Variants in HDAC9 observed in about 807,000 individuals in gnomAD.
HDAC9 encodes the protein MEF-2 interacting transcription repressor (MITR) protein.
HDAC9 carries 41 observed loss-of-function variants against 139.4 expected under a neutral mutation model. The ratio of observed to expected loss-of-function variants is 0.29; its 90% confidence interval spans 0.23 to 0.38. The LOEUF (loss-of-function observed/expected upper bound fraction) is 0.38. Among genes scored for constraint, HDAC9 ranks in the 10% least tolerant of loss-of-function variants. The pLI is 1.00. For missense variants in HDAC9, 1,147 were observed against 1,297.0 expected, an observed-to-expected ratio of 0.88 and a Z score of 1.78; for synonymous variants, 517 against 476.2, an observed-to-expected ratio of 1.09 and a Z score of -1.12.
At chr7:18,509,091 A>G (rs1800658993) in intron 2 of HDAC9, among the ~76,000 whole-genome samples, 1 of 152,212 alleles carries the variant, frequency 6.6e-6, no homozygotes, top group South Asian at 2.1e-4. Flanking sequence ...TTCCTCACAC[A>G]TTATGCTTTG....
chr7:18,538,310 C>A (rs1263686392), intron 2 of HDAC9, among the ~76,000 whole-genome samples: 1 of 152,064 alleles, frequency 6.6e-6, no homozygotes, highest in African/African-American at 2.4e-5. Flanking sequence ...TCAGCCACAG[C>A]CTTGTGAAAT....
intron 23 of HDAC9, among the ~76,000 whole-genome samples, chr7:18,945,702 T>G (rs1305742213): frequency 2.0e-5 from 3 of 152,120 alleles, no homozygotes; most frequent in African/African-American, 7.2e-5. Flanking sequence ...GTTTGTTTGT[T>G]TCAATGTGAA....
intron 1 of HDAC9, among the ~76,000 whole-genome samples, chr7:18,302,387 A>G (rs1168865708): frequency 1.3e-5 from 2 of 152,200 alleles, no homozygotes; most frequent in African/African-American, 4.8e-5. Flanking sequence ...TGGTGAAGAC[A>G]TTGTTATTGT....
chr7:18,181,698 A>G (rs185784995), intron 2 of HDAC9, among the ~76,000 whole-genome samples: 188 of 152,034 alleles, frequency 1.2e-3, no homozygotes, highest in African/African-American at 4.3e-3. Context: ...TTTACAAACT[A>G]CTCATACCTG....
At chr7:18,325,632 A>ATT (rs925964727) in intron 1 of HDAC9, 1 of 152,042 alleles carries the variant, frequency 6.6e-6, no homozygotes, top group African/African-American at 2.4e-5. Context: ...GTTTGGGGAT[A>ATT]TTTAACTTCA....
intron 1 of HDAC9, among the ~76,000 whole-genome samples, chr7:18,409,411 G>T (rs914311670): frequency 9.3e-5 from 14 of 151,002 alleles, no homozygotes; most frequent in Non-Finnish European, 1.8e-4. Flanking sequence ...ATTAACGATG[G>T]GCCTTTTTTT....
At chr7:18,205,522 A>T (rs1342370812) in intron 2 of HDAC9, among the ~76,000 whole-genome samples, 1 of 152,078 alleles carries the variant, frequency 6.6e-6, no homozygotes. Flanking sequence ...GAATGGAGAG[A>T]TGAACAAAGC....
chr7:18,612,761 T>A (rs911312763), intron 6 of HDAC9, among the ~76,000 whole-genome samples: 5 of 152,018 alleles, frequency 3.3e-5, no homozygotes, highest in African/African-American at 1.2e-4. Flanking sequence ...CAGGAAAATA[T>A]TTAGTCAGAA....
chr7:18,634,614 C>T lies in HDAC9; in HGVS notation c.797-13C>T. 6.6e-7 allele frequency: 1 copy of T among 1,514,362 alleles called. No individual in the cohort carries two copies. Among genetic ancestry groups the T allele is most frequent in the East Asian group, 2.4e-5 (1 of 41,888 alleles). 93.8% of individuals were successfully genotyped at this position (1,514,362 alleles called of 1,614,324 possible). On this transcript the variant is annotated splice_polypyrimidine_tract_variant and intron_variant, in intron 7 of 25. Coordinates refer to ENST00000686413, the MANE Select transcript of HDAC9 (RefSeq NM_178425.4). ...TCCTCATGAACACATTTGTACTTCA[C>T]AATATTTTTCAGAATCCTCAGTCAG...
chr7:18,613,938 G>A (rs571298214), intron 6 of HDAC9, among the ~76,000 whole-genome samples: 6 of 151,948 alleles, frequency 3.9e-5, no homozygotes, highest in South Asian at 2.1e-4. Context: ...TTACCACCGC[G>A]TCCTTTAAAT....
intron 24 of HDAC9, among the ~76,000 whole-genome samples, chr7:18,966,896 T>C (rs886481848): frequency 6.6e-6 from 1 of 152,260 alleles, no homozygotes; most frequent in Non-Finnish European, 1.5e-5. Flanking sequence ...ATTTGTTTTA[T>C]GTTTTGTTAC....
chr7:18,352,757 T>TG (rs1440768266), intron 1 of HDAC9, among the ~76,000 whole-genome samples: 2 of 151,324 alleles, frequency 1.3e-5, no homozygotes, highest in Non-Finnish European at 3.0e-5. Flanking sequence ...AGGAGCTGGC[T>TG]GATGTTTGTT....
At chr7:18,454,368 G>A (rs560876527) in intron 1 of HDAC9, among the ~76,000 whole-genome samples, 11 of 152,018 alleles carry the variant, frequency 7.2e-5, no homozygotes, top group Non-Finnish European at 1.6e-4. Context: ...TTTGCAAAGT[G>A]TTATGTTTTC....
intron 16 of HDAC9, among the ~76,000 whole-genome samples, chr7:18,787,631 GATTTCCATACT>G (rs2129175509): frequency 6.6e-6 from 1 of 152,282 alleles, no homozygotes; most frequent in African/African-American, 2.4e-5. Context: ...AATATTTAGG[GATTTCCATACT>G]GTAAAATACA....
intron 1 of HDAC9, among the ~76,000 whole-genome samples, chr7:18,431,362 C>T (rs1050150645): frequency 2.0e-5 from 3 of 152,096 alleles, no homozygotes; most frequent in Admixed American, 6.5e-5. Flanking sequence ...TCAAGGGTCC[C>T]GGCCTGATGA....
chr7:18,946,185 T>TA (rs1378340236), intron 23 of HDAC9, among the ~76,000 whole-genome samples: 1 of 151,936 alleles, frequency 6.6e-6, no homozygotes, highest in Non-Finnish European at 1.5e-5. Flanking sequence ...CAGACTGTCT[T>TA]AACTACTGTA....
chr7:18,176,208 C>T lies in HDAC9; in HGVS notation c.25+13859C>T, dbSNP rs183313711. On this transcript the variant is annotated intron_variant, in intron 2 of 12. Coordinates refer to the HDAC9 transcript ENST00000417496. ...TTAATAAAAGCTGGTGACAGTTTTT[C>T]GGTCTGCTGTTACTGGAAAGCCTGC... is the stretch of plus-strand genomic sequence containing the variant. Among the ~76,000 whole-genome samples, 188 of 152,288 alleles carry T rather than the reference C, an allele frequency of 1.2e-3. 1 individual carries two copies. The highest frequency in any genetic ancestry group is 8.4e-4 in the Non-Finnish European group (57 of 68,030).
At chr7:18,272,913 G>GCTGCTA (rs1209293748) in intron 2 of HDAC9, among the ~76,000 whole-genome samples, 37 of 144,616 alleles carry the variant, frequency 2.6e-4, no homozygotes, top group African/African-American at 9.2e-4. Flanking sequence ...CTAGACTACT[G>GCTGCTA]CTACTACTAC....
At chr7:18,972,003 C>T (rs1262552385) in intron 24 of HDAC9, among the ~76,000 whole-genome samples, 1 of 152,172 alleles carries the variant, frequency 6.6e-6, no homozygotes, top group African/African-American at 2.4e-5. Context: ...GTGGCCTAGA[C>T]CTCTCCTGTT....
Sources: allele counts gnomAD v4.1 joint callset (sites outside exome capture counted in the v4.1 genomes callset), GRCh38; gene constraint gnomAD v4.1.1; transcripts MANE v1.5; gene names NCBI Gene and HGNC (gene_info 2026-07-23, HGNC 2026-07-21).